The following ADGB variants were observed in gnomAD, a reference collection of about 807,000 sequenced individuals.
ADGB encodes androglobin.
ADGB carries 172 observed loss-of-function variants against 210.5 expected under a neutral mutation model. That is an observed-to-expected ratio of 0.82 (90% CI 0.72 to 0.93). ADGB has a LOEUF of 0.93. Among genes scored for constraint, ADGB ranks in the 40% least tolerant of loss-of-function variants. The pLI is 0.00. For synonymous variants in ADGB, 658 were observed against 662.7 expected (o/e 0.99, Z 0.11); for missense variants, 2,025 against 1,964.8 (o/e 1.03, Z -0.58).
intron 7 of ADGB, 43 bp downstream of exon 7, chr6:146,666,945 T>G: frequency 1.4e-6 from 2 of 1,395,758 alleles, no homozygotes; most frequent in South Asian, 2.6e-5. Flanking sequence ...TTTTTTTATC[T>G]TCCCAAGATT....
At chr6:146,771,195 C>T (rs1777646838) in intron 29 of ADGB, among the ~76,000 whole-genome samples, 1 of 152,038 alleles carries the variant, frequency 6.6e-6, no homozygotes, top group South Asian at 2.1e-4. Context: ...TTCCTTGCAG[C>T]TTGTTCCCGG....
intron 23 of ADGB, among the ~76,000 whole-genome samples, chr6:146,738,842 A>G (rs891354046): frequency 6.6e-5 from 10 of 152,146 alleles, no homozygotes; most frequent in African/African-American, 2.4e-4. Context: ...TTGCTTCTGC[A>G]TTGTGGGGCC....
At position 146,751,919 on chromosome 6, in the gene ADGB, C is replaced by T. The variant is rs545197565; in HGVS notation, c.3366-611C>T. On this transcript the variant is annotated intron_variant, in intron 26 of 35. Coordinates refer to ENST00000397944, the MANE Select transcript of ADGB (RefSeq NM_024694.4). ...TTCTATTTCCTTTTGTTTTACAGTACTATATTGGGATCCTTTGCCAAAGTC... is the reference window on the plus strand; with the variant it reads ...TTCTATTTCCTTTTGTTTTACAGTATTATATTGGGATCCTTTGCCAAAGTC... Among the ~76,000 whole-genome samples, 12 of 152,108 alleles carry T rather than the reference C, an allele frequency of 7.9e-5. No homozygotes were observed. The East Asian group carries it at 2.3e-3, about 29-fold the overall frequency.
At chr6:146,684,880 C>T (rs1199385350) in intron 9 of ADGB, among the ~76,000 whole-genome samples, 2 of 151,938 alleles carry the variant, frequency 1.3e-5, no homozygotes, top group Non-Finnish European at 2.9e-5. Context: ...GAGAAATGTA[C>T]AAATTTCAAT....
chr6:146,793,151 G>A (rs1777976479), intron 33 of ADGB, among the ~76,000 whole-genome samples: 1 of 152,088 alleles, frequency 6.6e-6, no homozygotes, highest in Non-Finnish European at 1.5e-5. Context: ...TCCTCCCCAC[G>A]ATTGGCTACT....
At chr6:146,643,151 G>T (rs148452645) in intron 2 of ADGB, among the ~76,000 whole-genome samples, 1 of 151,588 alleles carries the variant, frequency 6.6e-6, no homozygotes, top group African/African-American at 2.4e-5. Flanking sequence ...TCGATGACTC[G>T]CTTTTTGAGA....
chr6:146,635,179 A>T (rs1043151607), intron 1 of ADGB, among the ~76,000 whole-genome samples, 196 bp from the exon 2 acceptor site: 1 of 152,022 alleles, frequency 6.6e-6, no homozygotes, highest in Non-Finnish European at 1.5e-5. Context: ...TTAGCTTATG[A>T]AATAAACTCT....
intron 5 of ADGB, among the ~76,000 whole-genome samples, chr6:146,661,516 C>T (rs548466878): frequency 6.6e-6 from 1 of 152,170 alleles, no homozygotes; most frequent in Middle Eastern, 3.4e-3. Context: ...CCACACCCAA[C>T]CACTGATATA....
intron 33 of ADGB, among the ~76,000 whole-genome samples, chr6:146,794,762 A>C (rs1778015596): frequency 6.6e-6 from 1 of 152,216 alleles, no homozygotes; most frequent in Non-Finnish European, 1.5e-5. Flanking sequence ...AATCAACTGA[A>C]GGCATAAAAC....
chr6:146,664,636 G>GA (rs1162745861), intron 6 of ADGB, among the ~76,000 whole-genome samples: 2 of 151,860 alleles, frequency 1.3e-5, no homozygotes, highest in Non-Finnish European at 2.9e-5. Flanking sequence ...TTTAATAGGA[G>GA]AAAAAATTGT....
intron 25 of ADGB, 140 bp downstream of exon 25, chr6:146,741,411 TC>T: frequency 1.5e-6 from 1 of 673,782 alleles, no homozygotes; most frequent in Non-Finnish European, 2.4e-6. Context: ...ACTATAGAAG[TC>T]CCATATATTT....
At chr6:146,605,638 G>A (rs559404713) in intron 1 of ADGB, among the ~76,000 whole-genome samples, 3 of 152,238 alleles carry the variant, frequency 2.0e-5, no homozygotes, top group African/African-American at 7.2e-5. Context: ...AACTAGGACA[G>A]CCCAGAGGGA....
Position 146,717,582 on chromosome 6 carries a change from C to CA in ADGB, c.1980dup (p.Ser661IlefsTer4). Reference sequence around the variant, plus strand: ...GCCAAGTTCATATTGCCTTAACTTTCAAAAATCAGAATTTAAGGTAAGTAT... The same window carrying CA: ...GCCAAGTTCATATTGCCTTAACTTTCAAAAAATCAGAATTTAAGGTAAGTAT... On this transcript the variant is annotated frameshift_variant, in exon 16 of 36. Coordinates refer to ENST00000397944, the MANE Select transcript of ADGB (RefSeq NM_024694.4). LOFTEE classifies it high-confidence loss of function. 1 of 1,407,018 alleles carries CA rather than the reference C, an allele frequency of 7.1e-7. No individual in the cohort carries two copies. Among genetic ancestry groups the CA allele is most frequent in the African/African-American group, 1.5e-5 (1 of 68,590 alleles). 87.2% of individuals were successfully genotyped at this position (1,407,018 alleles called of 1,614,324 possible).
At chr6:146,701,656 A>C (rs1007680500) in intron 13 of ADGB, among the ~76,000 whole-genome samples, 3 of 151,712 alleles carry the variant, frequency 2.0e-5, no homozygotes, top group African/African-American at 7.3e-5. Flanking sequence ...TCCCCTTAAC[A>C]ATTTTTTAAA....
At chr6:146,634,453 C>T (rs1775369486) in intron 1 of ADGB, among the ~76,000 whole-genome samples, 1 of 151,846 alleles carries the variant, frequency 6.6e-6, no homozygotes, top group South Asian at 2.1e-4. Flanking sequence ...ACTGCTTGTC[C>T]CACCCACTGT....
intron 13 of ADGB, among the ~76,000 whole-genome samples, chr6:146,710,425 T>A (rs1776643105): frequency 6.6e-6 from 1 of 152,112 alleles, no homozygotes; most frequent in South Asian, 2.1e-4. Flanking sequence ...TGATAATGCT[T>A]GTAAATGTAG....
chr6:146,613,992 G>T (rs1406248804), intron 1 of ADGB, among the ~76,000 whole-genome samples: 1 of 151,778 alleles, frequency 6.6e-6, no homozygotes, highest in Non-Finnish European at 1.5e-5. Flanking sequence ...GCCAAGAATA[G>T]ATATATATAT....
intron 33 of ADGB, among the ~76,000 whole-genome samples, chr6:146,799,081 A>C (rs893726991): frequency 1.4e-5 from 2 of 143,684 alleles, no homozygotes; most frequent in African/African-American, 5.1e-5. Flanking sequence ...AAAAAAAAAC[A>C]GAAAAGCCAA....
intron 1 of ADGB, among the ~76,000 whole-genome samples, chr6:146,611,095 C>T (rs1163518651): frequency 2.0e-5 from 3 of 151,982 alleles, no homozygotes; most frequent in African/African-American, 4.8e-5. Flanking sequence ...TGTGGGCAGG[C>T]ACATGCTGGT....
Sources: allele counts gnomAD v4.1 joint callset (sites outside exome capture counted in the v4.1 genomes callset), GRCh38; gene constraint gnomAD v4.1.1; transcripts MANE v1.5; gene names NCBI Gene and HGNC (gene_info 2026-07-23, HGNC 2026-07-21).